The following PPP1R8 variants were observed in gnomAD, a reference collection of about 807,000 sequenced individuals.
PPP1R8 encodes protein phosphatase 1 regulatory subunit 8.
A neutral mutation model predicts 31.3 loss-of-function variants in PPP1R8; 4 were observed. The ratio of observed to expected loss-of-function variants is 0.13; its 90% CI spans 0.06 to 0.29. The LOEUF (loss-of-function observed/expected upper bound fraction) is 0.29. PPP1R8 is among the 10% of genes least tolerant of loss of function. The pLI, the probability that PPP1R8 is intolerant of heterozygous loss-of-function variation, is 1.00. For missense variants in PPP1R8, 254 were observed against 440.1 expected, an observed-to-expected ratio of 0.58 and a Z score of 3.78; for synonymous variants, 170 against 169.7, an observed-to-expected ratio of 1.00 and a Z score of -0.01.
chr1:27,837,240 G>C (rs1378984284), intron 2 of PPP1R8, among the ~76,000 whole-genome samples: 1 of 151,980 alleles, frequency 6.6e-6, no homozygotes, highest in Non-Finnish European at 1.5e-5. Context: ...GACCATCCTG[G>C]CTAACACGGT....
chr1:27,841,898 T>C (rs920819727), intron 4 of PPP1R8, among the ~76,000 whole-genome samples: 4 of 152,248 alleles, frequency 2.6e-5, no homozygotes, highest in African/African-American at 9.6e-5. Context: ...GGTGTGGCTA[T>C]AGTCCTTTAC....
chr1:27,851,067 C>G lies in PPP1R8; in HGVS notation c.*621C>G, dbSNP rs193176071. On this transcript the variant is annotated 3_prime_UTR_variant, in exon 7 of 7. Coordinates refer to ENST00000311772, the MANE Select transcript of PPP1R8 (RefSeq NM_014110.5). ...TCATCTGTGACTGGTGCCATAGACA[C>G]AGGTTTATAGTTTTAACTTACAGTA... The G allele has an allele frequency of 6.4e-6, 1 of 155,146 alleles. No individual in the cohort carries two copies. The highest frequency in any genetic ancestry group is 1.9e-4 in the East Asian group (1 of 5,248). 9.6% of individuals were successfully genotyped at this position (155,146 alleles called of 1,614,324 possible).
Position 27,851,503 on chromosome 1 carries a change from T to C in PPP1R8, c.*1057T>C, listed in dbSNP as rs1168725219. On this transcript the variant is annotated 3_prime_UTR_variant, in exon 7 of 7. Transcript: ENST00000311772. ...CTTTTTACCTGTAACCTTTATTACA[T>C]TGTAAATTAAACGTAACTTTTGTCA... is the stretch of plus-strand genomic sequence containing the variant. The C allele has an allele frequency of 2.2e-6, 1 of 464,034 alleles. No individual in the cohort carries two copies. Among genetic ancestry groups the C allele is most frequent in the Non-Finnish European group, 4.3e-6 (1 of 230,208 alleles). The allele number at this position is 464,034 out of a possible 1,614,324, so 28.7% of individuals were successfully genotyped here.
intron 6 of PPP1R8, among the ~76,000 whole-genome samples, chr1:27,848,340 G>A (rs2089306368): frequency 6.6e-6 from 1 of 150,940 alleles, no homozygotes; most frequent in Non-Finnish European, 1.5e-5. Context: ...GGGGGGCAGA[G>A]CTTGCAGTGA....
chr1:27,843,782 G>T (rs1473276102), intron 5 of PPP1R8, among the ~76,000 whole-genome samples: 1 of 151,906 alleles, frequency 6.6e-6, no homozygotes, highest in Non-Finnish European at 1.5e-5. Context: ...GCAGAACCCT[G>T]TCTCTACAAA....
chr1:27,832,628 G>T (rs2089121741), intron 1 of PPP1R8, 128 bp from the exon 2 acceptor site: 1 of 675,232 alleles, frequency 1.5e-6, no homozygotes, highest in Non-Finnish European at 2.4e-6. Flanking sequence ...TGAAGTGGAT[G>T]ACATTTCTGC....
At position 27,844,703 on chromosome 1, in the gene PPP1R8, C is replaced by CTTT. The variant is rs777070302; in HGVS notation, c.637+1395_637+1397dup. Among the ~76,000 whole-genome samples, 491 of 70,462 alleles carry CTTT rather than the reference C, an allele frequency of 7.0e-3. 45 individuals are homozygous for CTTT. The highest frequency in any genetic ancestry group is 0.023 in the African/African-American group (341 of 14,650). 46.2% of individuals were successfully genotyped at this position (70,462 alleles called of 152,430 possible). A position where few individuals can be genotyped will look rare whatever the true frequency, so the allele number is the denominator to read the frequency against. On this transcript the variant is annotated intron_variant, in intron 5 of 6. Transcript: ENST00000311772. Reference sequence around the variant, plus strand: ...GGGAACCACTGGACTAGACAAATTTCTTTTTTTTTTTTTTTTTTTTTTTTG... The same window carrying CTTT: ...GGGAACCACTGGACTAGACAAATTTCTTTTTTTTTTTTTTTTTTTTTTTTTTTG...
chr1:27,832,510 A>G (rs1180025746), intron 1 of PPP1R8, among the ~76,000 whole-genome samples: 1 of 152,204 alleles, frequency 6.6e-6, no homozygotes, highest in Non-Finnish European at 1.5e-5. Flanking sequence ...GTGTTAAAAT[A>G]TAGGTTTCTT....
At chr1:27,839,736 G>T (rs1047787289) in intron 3 of PPP1R8, among the ~76,000 whole-genome samples, 1 of 151,932 alleles carries the variant, frequency 6.6e-6, no homozygotes, top group Non-Finnish European at 1.5e-5. Flanking sequence ...TCTCTGTTTT[G>T]CTTTGACTGT....
At chr1:27,841,849 C>T (rs1020301100) in intron 4 of PPP1R8, among the ~76,000 whole-genome samples, 3 of 152,144 alleles carry the variant, frequency 2.0e-5, no homozygotes, top group African/African-American at 7.2e-5. Context: ...TTTTAAGGTG[C>T]TAGAAGTTTT....
chr1:27,842,063 G>A (rs542033582), intron 4 of PPP1R8, among the ~76,000 whole-genome samples: 7 of 152,308 alleles, frequency 4.6e-5, no homozygotes, highest in African/African-American at 1.2e-4. Flanking sequence ...AACTTAGGCC[G>A]GGCACAGTGG....
At chr1:27,843,042 C>G in intron 4 of PPP1R8, 144 bp from the exon 5 acceptor site, 1 of 893,652 alleles carries the variant, frequency 1.1e-6, no homozygotes, top group Non-Finnish European at 1.7e-6. Flanking sequence ...CAGTATGAAT[C>G]TTCTCTAAAT....
chr1:27,844,703 C>CTTTTTTTTTT (rs777070302), intron 5 of PPP1R8, among the ~76,000 whole-genome samples: 3 of 70,444 alleles, frequency 4.3e-5, no homozygotes, highest in African/African-American at 6.8e-5. Context: ...AGACAAATTT[C>CTTTTTTTTTT]TTTTTTTTTT....
chr1:27,833,816 T>C (rs1281578007), intron 2 of PPP1R8, among the ~76,000 whole-genome samples: 1 of 152,216 alleles, frequency 6.6e-6, no homozygotes, highest in Non-Finnish European at 1.5e-5. Flanking sequence ...GTAAATATAT[T>C]GTTGTCACTT....
At chr1:27,831,397 G>T in intron 1 of PPP1R8, 4 of 972,544 alleles carry the variant, frequency 4.1e-6, no homozygotes, top group Non-Finnish European at 4.9e-6. Flanking sequence ...CCCTCAGGGA[G>T]CTCCCAGTCT....
chr1:27,834,544 A>C (rs2089143653), intron 2 of PPP1R8: 1 of 518,508 alleles, frequency 1.9e-6, no homozygotes, highest in African/African-American at 1.9e-5. Flanking sequence ...ATACACTCTG[A>C]GTTATAACTC....
Position 27,830,869 on chromosome 1 carries a change from C to T in PPP1R8, c.34C>T (p.Pro12Ser), listed in dbSNP as rs762489632. ...AGCCGCGAACTCCGGCTCTAGCCTC[C>T]CGCTGTTCGACTGCCCAACCTGGTG... ...AAAANSGSSL[P>S]LFDCPTWAGK... Residue 12 changes from proline to serine, a missense_variant, in exon 1 of 7, where the codon CCG (proline) becomes TCG (serine). Pro to Ser is a moderately conservative substitution (Grantham distance 74, BLOSUM62 -1). Coordinates refer to ENST00000311772, the MANE Select transcript of PPP1R8 (RefSeq NM_014110.5). The T allele has an allele frequency of 6.4e-7, 1 of 1,573,678 alleles. No individual in the cohort carries two copies. The highest frequency in any genetic ancestry group is 1.3e-5 in the African/African-American group (1 of 74,094).
At chr1:27,841,375 G>A (rs1348987029) in intron 4 of PPP1R8, 141 bp downstream of exon 4, 2 of 835,174 alleles carry the variant, frequency 2.4e-6, no homozygotes, top group Middle Eastern at 3.7e-4. Context: ...TGGCAATCTG[G>A]TGTGGCCAGC....
In PPP1R8 at chr1:27,850,512, T is replaced by C; in HGVS notation, c.*66T>C. 7.1e-7 allele frequency: 1 copy of C among 1,404,398 alleles called. No individual in the cohort carries two copies. Among genetic ancestry groups the C allele is most frequent in the Non-Finnish European group, 9.7e-7 (1 of 1,034,822 alleles). The allele number at this position is 1,404,398 out of a possible 1,614,324, so 87.0% of individuals were successfully genotyped here. On this transcript the variant is annotated 3_prime_UTR_variant, in exon 7 of 7. Coordinates refer to ENST00000311772, the MANE Select transcript of PPP1R8 (RefSeq NM_014110.5). ...GGGTGGAAGGGTGATGGGGAGCTAA[T>C]GAACTAGGGAGAAAAACTTTCCATG... is the stretch of plus-strand genomic sequence containing the variant.
Sources: gnomAD v4.1 joint callset for allele counts (sites outside exome capture counted in the v4.1 genomes callset) on GRCh38, gnomAD v4.1.1 for gene constraint, MANE v1.5 for transcripts, NCBI Gene and HGNC (gene_info 2026-07-23, HGNC 2026-07-21) for gene names.